Variants in KCNQ1 observed in about 807,000 individuals in gnomAD.
KCNQ1 encodes the protein potassium voltage-gated channel subfamily Q member 1.
Under a neutral mutation model 72.4 loss-of-function variants are expected in KCNQ1, and 49 were observed. The observed-to-expected ratio is 0.68, with a 90% CI of 0.54 to 0.86. The LOEUF (loss-of-function observed/expected upper bound fraction) is 0.86, where lower values mean the gene tolerates loss of function less well. Ranked by LOEUF, KCNQ1 falls within the 40% of genes least tolerant of loss-of-function variation. KCNQ1 has a pLI of 0.00. For synonymous variants in KCNQ1, 450 were observed against 412.6 expected, an observed-to-expected ratio of 1.09 and a Z score of -1.10; for missense variants, 790 against 945.1, an observed-to-expected ratio of 0.84 and a Z score of 2.15.
intron 11 of KCNQ1, among the ~76,000 whole-genome samples, chr11:2,701,967 G>T (rs1159158442): frequency 2.0e-5 from 3 of 152,242 alleles, no homozygotes; most frequent in African/African-American, 7.2e-5. Context: ...ACAGGGTCAG[G>T]AATGTTGAGT....
chr11:2,531,692 C>G (rs561566443), intron 2 of KCNQ1, among the ~76,000 whole-genome samples: 1 of 152,194 alleles, frequency 6.6e-6, no homozygotes, highest in Admixed American at 6.5e-5. Flanking sequence ...AAGCATAGAG[C>G]CCCCTTTCTG....
chr11:2,742,788 C>T lies in KCNQ1; in HGVS notation c.1515-26056C>T, dbSNP rs557883589. ...GGGGCCCGCTGTGGCCTCCTCTGCA[C>T]GGCTGCTGAGGGAATGCAGGTCAAA... On this transcript the variant is annotated intron_variant, in intron 11 of 15. Transcript: ENST00000155840. Among the ~76,000 whole-genome samples, 7 of 152,306 alleles carry T rather than the reference C, an allele frequency of 4.6e-5. No individual in the cohort carries two copies. The East Asian group carries it at 5.8e-4, about 13-fold the overall frequency.
intron 15 of KCNQ1, among the ~76,000 whole-genome samples, chr11:2,833,365 C>T (rs1268957837): frequency 6.6e-6 from 1 of 152,210 alleles, no homozygotes; most frequent in Non-Finnish European, 1.5e-5. Flanking sequence ...ATGCCCCACC[C>T]CTCTCCAAGC....
intron 11 of KCNQ1, among the ~76,000 whole-genome samples, chr11:2,741,868 C>A (rs1383901422): frequency 6.6e-6 from 1 of 152,192 alleles, no homozygotes; most frequent in Non-Finnish European, 1.5e-5. Flanking sequence ...CTGGCCAAGG[C>A]CCCACTCTCT....
chr11:2,490,589 A>G (rs1417209113), intron 1 of KCNQ1, among the ~76,000 whole-genome samples: 2 of 152,234 alleles, frequency 1.3e-5, no homozygotes, highest in African/African-American at 2.4e-5. Flanking sequence ...GAGAGAGTCC[A>G]TTTCTTTGGG....
intron 15 of KCNQ1, among the ~76,000 whole-genome samples, chr11:2,778,318 G>C (rs1198687277): frequency 6.6e-6 from 1 of 152,244 alleles, no homozygotes; most frequent in Non-Finnish European, 1.5e-5. Context: ...CCTCCCCCCA[G>C]CTCTTTCCCG....
intron 15 of KCNQ1, among the ~76,000 whole-genome samples, chr11:2,795,412 A>T (rs1046697337): frequency 2.6e-5 from 4 of 152,222 alleles, no homozygotes; most frequent in African/African-American, 9.6e-5. Context: ...GTTCTGGAGC[A>T]AAAAGAGCCT....
At position 2,538,399 on chromosome 11, in the gene KCNQ1, C is replaced by T. The variant is rs752705144; in HGVS notation, c.477+10381C>T. Among the ~76,000 whole-genome samples, 2 of 152,136 alleles carry T rather than the reference C, an allele frequency of 1.3e-5. No individual in the cohort carries two copies. The highest frequency in any genetic ancestry group is 2.9e-5 in the Non-Finnish European group (2 of 68,026). On this transcript the variant is annotated intron_variant, in intron 2 of 15. Coordinates refer to ENST00000155840, the MANE Select transcript of KCNQ1 (RefSeq NM_000218.3). This position sits in a 1 kb window ranked among gnomAD's most constrained non-coding sequence, Gnocchi z 6.7. ...GGGCTCACAGGCCCCTCTGTGGGGCCCAGGGCAGAGGCAGCAGGCAGGCTG... is the reference window on the plus strand; with the variant it reads ...GGGCTCACAGGCCCCTCTGTGGGGCTCAGGGCAGAGGCAGCAGGCAGGCTG...
chr11:2,574,857 G>T (rs1194064732), intron 6 of KCNQ1, among the ~76,000 whole-genome samples: 1 of 152,234 alleles, frequency 6.6e-6, no homozygotes. Flanking sequence ...CTTCCTGGGG[G>T]CCTGTGTCCC....
intron 10 of KCNQ1, chr11:2,656,072 T>C (rs1239178167): frequency 5.0e-6 from 2 of 398,556 alleles, no homozygotes; most frequent in African/African-American, 2.1e-5. Flanking sequence ...GCTTTGGAGA[T>C]GGGCACTTGT....
At chr11:2,618,777 A>T (rs181667511) in intron 10 of KCNQ1, 38 of 398,430 alleles carry the variant, frequency 9.5e-5, no homozygotes, top group African/African-American at 7.4e-4. Context: ...TTTGGATATT[A>T]TTGACATTTT....
In KCNQ1 at chr11:2,658,471, T is replaced by G. The variant is rs1453944201; in HGVS notation, c.1394-3490T>G. The G allele has an allele frequency of 2.5e-6, 1 of 398,452 alleles. No homozygotes were observed. Among genetic ancestry groups the G allele is most frequent in the Non-Finnish European group, 4.4e-6 (1 of 226,050 alleles). The allele number at this position is 398,452 out of a possible 1,614,324, so 24.7% of individuals were successfully genotyped here. A position where few individuals can be genotyped will look rare whatever the true frequency, so the allele number is the denominator to read the frequency against. On this transcript the variant is annotated intron_variant, in intron 10 of 15. Coordinates refer to ENST00000155840, the MANE Select transcript of KCNQ1 (RefSeq NM_000218.3). The surrounding 1 kb of genome is among the most constrained non-coding windows in gnomAD (Gnocchi z 4.9). ...TGTCCTTTTGATGTGCCCCCCGCCATCCTTTTCATTTATTTTTAAGCATTT... is the reference window on the plus strand; with the variant it reads ...TGTCCTTTTGATGTGCCCCCCGCCAGCCTTTTCATTTATTTTTAAGCATTT...
intron 11 of KCNQ1, among the ~76,000 whole-genome samples, chr11:2,742,933 C>T (rs1407089990): frequency 2.6e-5 from 4 of 152,196 alleles, no homozygotes; most frequent in African/African-American, 9.7e-5. Context: ...ACCGAGAGGC[C>T]ACGTGGGCAG....
chr11:2,571,339 G>A lies in KCNQ1; in HGVS notation c.619G>A (p.Val207Met), dbSNP rs75813654. The stretch of plus-strand genomic sequence containing the variant: ...GCACTCCACAGACCTCATCGTGGTC[G>A]TGGCCTCCATGGTGGTCCTCTGCGT... ...PISIIDLIVV[V>M]ASMVVLCVGS... The change falls in exon 4 of 16, where the codon GTG (valine) becomes ATG (methionine). Residue 207 changes from valine to methionine, a missense_variant. Physicochemically the swap from Val to Met is conservative, Grantham distance 21 (BLOSUM62 1). This residue lies in a region of KCNQ1 where 294 missense variants were observed against 323.3 expected (regional missense o/e 0.91). Transcript: ENST00000155840. 245 of 1,613,160 alleles carry A rather than the reference G, an allele frequency of 1.5e-4. 1 individual carries two copies. The African/African-American group carries it at 2.8e-3, about 19-fold the overall frequency.
At chr11:2,754,257 C>T (rs1846267074) in intron 11 of KCNQ1, among the ~76,000 whole-genome samples, 1 of 152,240 alleles carries the variant, frequency 6.6e-6, no homozygotes, top group African/African-American at 2.4e-5. Flanking sequence ...CATTGCATGT[C>T]TGTGTGTTCC....
chr11:2,656,769 T>A (rs983261606), intron 10 of KCNQ1: 1 of 398,446 alleles, frequency 2.5e-6, no homozygotes, highest in African/African-American at 2.1e-5. Flanking sequence ...TTGCTTCTTT[T>A]AAAAAAAACC....
In KCNQ1 at chr11:2,803,084, AG is replaced by A. The variant is rs2134028083; in HGVS notation, c.1794+25049del. 6.6e-6 allele frequency among the ~76,000 whole-genome samples: 1 copy of A among 152,328 alleles called. No homozygotes were observed. Among genetic ancestry groups the A allele is most frequent in the African/African-American group, 2.4e-5 (1 of 41,572 alleles). On this transcript the variant is annotated intron_variant, in intron 15 of 15. Coordinates refer to ENST00000155840, the MANE Select transcript of KCNQ1 (RefSeq NM_000218.3). The surrounding 1 kb of genome is among the most constrained non-coding windows in gnomAD (Gnocchi z 6.4). ...AGGATGGGAGTGCCCATCAGCCGGAAGGCCACGGGAGTCAATGGTGAGGGGC... is the reference window on the plus strand; with the variant it reads ...AGGATGGGAGTGCCCATCAGCCGGAAGCCACGGGAGTCAATGGTGAGGGGC...
Position 2,750,725 on chromosome 11 carries a change from G to T in KCNQ1, c.1515-18119G>T, listed in dbSNP as rs943296424. Among the ~76,000 whole-genome samples, 2 of 152,172 alleles carry T rather than the reference G, an allele frequency of 1.3e-5. No individual in the cohort carries two copies. The highest frequency in any genetic ancestry group is 1.3e-4 in the Admixed American group (2 of 15,290). ...TCATTTCAGTCAGGCCATTACCAAT[G>T]GCTCATAATCTCCTGGGCTGCTGGG... On this transcript the variant is annotated intron_variant, in intron 11 of 15. Transcript: ENST00000155840. The surrounding 1 kb of genome is among the most constrained non-coding windows in gnomAD (Gnocchi z 6.3).
intron 11 of KCNQ1, among the ~76,000 whole-genome samples, chr11:2,756,981 A>AAAAAAAAAAAAAAAAAAAAAAAAAC (rs58902386): frequency 8.7e-6 from 1 of 115,178 alleles, no homozygotes. Flanking sequence ...AAAAAAAAAA[A>AAAAAAAAAAAAAAAAAAAAAAAAAC]CCCACAGCTA....
Sources: allele counts gnomAD v4.1 joint callset (sites outside exome capture counted in the v4.1 genomes callset), GRCh38; gene constraint gnomAD v4.1.1; regional missense constraint gnomAD v4.1.1; non-coding constraint Gnocchi (gnomAD v3.1); transcripts MANE v1.5; gene names NCBI Gene and HGNC (gene_info 2026-07-23, HGNC 2026-07-21).